Variants in PXDNL observed in about 807,000 individuals in gnomAD.
PXDNL encodes the protein peroxidasin like.
A neutral mutation model predicts 150.8 loss-of-function variants in PXDNL; 145 were observed. The ratio of observed to expected loss-of-function variants is 0.96; its 90% CI spans 0.84 to 1.10. The LOEUF is 1.10. Ranked by LOEUF, PXDNL falls within the 50% of genes least tolerant of loss-of-function variation. The pLI, the probability that PXDNL is intolerant of heterozygous loss-of-function variation, is 0.00. For missense variants in PXDNL, 2,087 were observed against 1,873.9 expected, an observed-to-expected ratio of 1.11 and a Z score of -2.10; for synonymous variants, 757 against 725.7, an observed-to-expected ratio of 1.04 and a Z score of -0.69.
chr8:51,479,085 T>C (rs1395654092), intron 6 of PXDNL, among the ~76,000 whole-genome samples: 2 of 152,232 alleles, frequency 1.3e-5, no homozygotes, highest in Admixed American at 1.3e-4. Flanking sequence ...CAGTTATTTT[T>C]GCATGTGTGT....
At chr8:51,448,700 AAAAC>A (rs55820855) in intron 11 of PXDNL, among the ~76,000 whole-genome samples, 6,604 of 150,498 alleles carry the variant, frequency 0.044, 263 homozygotes, top group East Asian at 0.23. Flanking sequence ...ACTCTGTCTC[AAAAC>A]AAACAAACAA....
At chr8:51,799,307 G>GACCCA (rs2037594484) in intron 1 of PXDNL, among the ~76,000 whole-genome samples, 3 of 152,240 alleles carry the variant, frequency 2.0e-5, no homozygotes, top group Admixed American at 2.0e-4. Context: ...TAGGTGATGG[G>GACCCA]TTGATAGGTG....
At chr8:51,722,514 A>G (rs1816750292) in intron 1 of PXDNL, among the ~76,000 whole-genome samples, 1 of 152,190 alleles carries the variant, frequency 6.6e-6, no homozygotes, top group South Asian at 2.1e-4. Context: ...TCCAGGAAGA[A>G]TCAGGTCACA....
At chr8:51,377,003 C>T (rs886428391) in intron 17 of PXDNL, among the ~76,000 whole-genome samples, 3 of 151,968 alleles carry the variant, frequency 2.0e-5, no homozygotes, top group African/African-American at 7.2e-5. Context: ...AGGCGTGAGC[C>T]ACCGCGCCCA....
chr8:51,735,574 T>G, intron 1 of PXDNL, among the ~76,000 whole-genome samples: 1 of 121,132 alleles, frequency 8.3e-6, no homozygotes, highest in African/African-American at 3.3e-5. Context: ...TGAGACGGAG[T>G]CTCGCTCTGT....
At chr8:51,609,114 A>G (rs539710535) in intron 2 of PXDNL, among the ~76,000 whole-genome samples, 8 of 152,288 alleles carry the variant, frequency 5.3e-5, no homozygotes, top group African/African-American at 1.9e-4. Flanking sequence ...CTTGAAAGAG[A>G]GACTCCAATG....
At chr8:51,737,342 C>T (rs1486899259) in intron 1 of PXDNL, among the ~76,000 whole-genome samples, 3 of 152,218 alleles carry the variant, frequency 2.0e-5, no homozygotes, top group Non-Finnish European at 4.4e-5. Context: ...ATGTGACAAA[C>T]TTATATGCCC....
At chr8:51,480,652 C>T (rs549866864) in intron 6 of PXDNL, among the ~76,000 whole-genome samples, 1 of 152,272 alleles carries the variant, frequency 6.6e-6, no homozygotes, top group South Asian at 2.1e-4. Flanking sequence ...TTGTAAAAAT[C>T]CCTACATGTC....
At position 51,481,472 on chromosome 8, in the gene PXDNL, G is replaced by A. The variant is rs180838646; in HGVS notation, c.524+2171C>T. Reference sequence around the variant, plus strand: ...AAAATAAAAACCCATTTTCTGGGAAGAAATTCAAGCTGGCTGCAGAAATAT... The same window carrying A: ...AAAATAAAAACCCATTTTCTGGGAAAAAATTCAAGCTGGCTGCAGAAATAT... On this transcript the variant is annotated intron_variant, in intron 6 of 22. Transcript: ENST00000356297. 5.3e-5 allele frequency among the ~76,000 whole-genome samples: 8 copies of A among 152,334 alleles called. No individual in the cohort carries two copies. The South Asian group carries it at 6.2e-4, about 12-fold the overall frequency.
chr8:51,776,069 C>T (rs1452471922), intron 1 of PXDNL, among the ~76,000 whole-genome samples: 1 of 152,190 alleles, frequency 6.6e-6, no homozygotes, highest in Non-Finnish European at 1.5e-5. Flanking sequence ...TCCTGTAGCG[C>T]TCCCAGGCTT....
chr8:51,416,045 G>A (rs1808791367), intron 14 of PXDNL, among the ~76,000 whole-genome samples: 1 of 152,180 alleles, frequency 6.6e-6, no homozygotes, highest in African/African-American at 2.4e-5. Flanking sequence ...TGGCATGTAT[G>A]ACTTGATTAT....
chr8:51,397,472 T>G (rs1808117573), intron 17 of PXDNL, among the ~76,000 whole-genome samples: 1 of 152,084 alleles, frequency 6.6e-6, no homozygotes, highest in African/African-American at 2.4e-5. Flanking sequence ...TTAATCCTTC[T>G]GCTTGTTTAA....
chr8:51,530,319 C>A (rs1175955454), intron 4 of PXDNL, among the ~76,000 whole-genome samples: 1 of 152,072 alleles, frequency 6.6e-6, no homozygotes, highest in Non-Finnish European at 1.5e-5. Context: ...CTTATAAATC[C>A]ATTTGTTCAT....
intron 4 of PXDNL, among the ~76,000 whole-genome samples, chr8:51,535,403 G>T (rs1812048300): frequency 2.0e-5 from 2 of 101,106 alleles, no homozygotes; most frequent in East Asian, 5.8e-4. Flanking sequence ...GGATCCTGTT[G>T]ATCTGTGACC....
intron 8 of PXDNL, among the ~76,000 whole-genome samples, chr8:51,460,264 AT>A (rs1368152692): frequency 6.6e-5 from 10 of 151,098 alleles, no homozygotes; most frequent in Admixed American, 2.6e-4. Context: ...AAAAAAAAAA[AT>A]CTTCCATATA....
At chr8:51,510,662 C>G (rs951616708) in intron 4 of PXDNL, among the ~76,000 whole-genome samples, 12 of 152,078 alleles carry the variant, frequency 7.9e-5, no homozygotes, top group African/African-American at 2.9e-4. Flanking sequence ...ACCTAAGAAG[C>G]CCAGGAGACC....
intron 12 of PXDNL, among the ~76,000 whole-genome samples, 176 bp from the exon 13 acceptor site, chr8:51,426,934 A>G (rs1217691262): frequency 1.3e-5 from 2 of 152,218 alleles, no homozygotes; most frequent in African/African-American, 4.8e-5. Flanking sequence ...GCTGGCGGCA[A>G]GTACAGCAGA....
chr8:51,321,260 G>T (rs1392396303), intron 21 of PXDNL: 1 of 166,284 alleles, frequency 6.0e-6, no homozygotes, highest in African/African-American at 2.4e-5. Context: ...TTTATTTTTT[G>T]TCCCCCAAGT....
chr8:51,529,261 C>G (rs1446586761), intron 4 of PXDNL, among the ~76,000 whole-genome samples: 1 of 152,178 alleles, frequency 6.6e-6, no homozygotes, highest in Non-Finnish European at 1.5e-5. Context: ...CCCTCTTATC[C>G]CTTCTCCCAC....
Sources: allele counts gnomAD v4.1 joint callset (sites outside exome capture counted in the v4.1 genomes callset), GRCh38; gene constraint gnomAD v4.1.1; transcripts MANE v1.5; gene names NCBI Gene and HGNC (gene_info 2026-07-23, HGNC 2026-07-21).